Variants in SLC30A7 observed in about 807,000 individuals in gnomAD.
SLC30A7 encodes solute carrier family 30 member 7, also known as zinc transporter 7.
SLC30A7 carries 35 observed loss-of-function variants against 46.0 expected under a neutral mutation model. That is an observed-to-expected ratio of 0.76 (90% confidence interval 0.58 to 1.01). SLC30A7 has a LOEUF of 1.01. SLC30A7 is among the 50% of genes least tolerant of loss of function. The pLI is 0.00. For synonymous variants in SLC30A7, 147 were observed against 157.8 expected (o/e 0.93, Z 0.51); for missense variants, 464 against 451.1 (o/e 1.03, Z -0.26).
At chr1:100,965,509 A>G (rs1238084005) in intron 9 of SLC30A7, among the ~76,000 whole-genome samples, 1 of 152,046 alleles carries the variant, frequency 6.6e-6, no homozygotes, top group Non-Finnish European at 1.5e-5. Flanking sequence ...GTTACTGTAA[A>G]TTTCCCTGTG....
intron 8 of SLC30A7, among the ~76,000 whole-genome samples, chr1:100,933,197 A>C (rs931333575): frequency 1.3e-5 from 2 of 151,186 alleles, no homozygotes; most frequent in African/African-American, 4.9e-5. Flanking sequence ...GATGGTCTTG[A>C]TCTCCTGACC....
At chr1:100,987,725 C>A in the SLC30A7 span, among the ~76,000 whole-genome samples, 176 of 150,410 alleles carry the variant, frequency 1.2e-3, 1 homozygote, top group African/African-American at 4.1e-3. Flanking sequence ...TCTCTGGATA[C>A]CCTATAGCAT....
At chr1:100,915,245 CTTTCTTTCTTCCTTT>C (rs1652456273) in intron 6 of SLC30A7, among the ~76,000 whole-genome samples, 2 of 93,122 alleles carry the variant, frequency 2.1e-5, no homozygotes, top group African/African-American at 8.5e-5. Flanking sequence ...TTCTTTCTTT[CTTTCTTTCTTCCTTT>C]CTTTCTTTCT....
rs567235204 is a variant in SLC30A7 at position 100,949,430 on chromosome 1, T to C, written c.843-12398T>C. 4.5e-4 allele frequency among the ~76,000 whole-genome samples: 68 copies of C among 152,312 alleles called. No homozygotes were observed. The South Asian group carries it at 4.8e-3, about 11-fold the overall frequency. ...CCTGTGTGAGGTGTCTGTCAGCCCC[T>C]ACTGGGAGGTGTCTCCCAGTTAGGC... On this transcript the variant is annotated intron_variant, in intron 8 of 10. Transcript: ENST00000357650.
At chr1:100,932,718 A>G (rs553372552) in intron 8 of SLC30A7, among the ~76,000 whole-genome samples, 5 of 152,298 alleles carry the variant, frequency 3.3e-5, no homozygotes, top group Admixed American at 2.0e-4. Context: ...AGTGGAATAC[A>G]AAGATCTCAC....
Position 100,896,543 on chromosome 1 carries a change from G to T in SLC30A7, c.81-27G>T, listed in dbSNP as rs1328349975. 1.7e-5 allele frequency: 27 copies of T among 1,602,404 alleles called. 1 individual carries two copies. The Admixed American group carries it at 4.5e-4, about 27-fold the overall frequency. ...TCCCGGCACCTCCTTAACTCTCCCG[G>T]CTCTTTTCCACGTGTATCATTCCCA... On this transcript the variant is annotated intron_variant, in intron 1 of 10. Coordinates refer to ENST00000357650, the MANE Select transcript of SLC30A7 (RefSeq NM_133496.5).
At chr1:100,927,848 G>A (rs150490911) in intron 8 of SLC30A7, among the ~76,000 whole-genome samples, 21 of 151,888 alleles carry the variant, frequency 1.4e-4, no homozygotes, top group African/African-American at 4.8e-4. Flanking sequence ...CCTAAGATAG[G>A]GTCAATCTAA....
At chr1:100,901,777 T>G (rs1441835718) in intron 2 of SLC30A7, among the ~76,000 whole-genome samples, 2 of 152,198 alleles carry the variant, frequency 1.3e-5, no homozygotes, top group East Asian at 3.8e-4. Flanking sequence ...TAGAAGGTAG[T>G]CATTTAAAAG....
At chr1:100,923,440 A>AT (rs1344749871) in intron 8 of SLC30A7, among the ~76,000 whole-genome samples, 1 of 152,064 alleles carries the variant, frequency 6.6e-6, no homozygotes, top group East Asian at 1.9e-4. Flanking sequence ...TTATTTTTTA[A>AT]TTTTTTCAAA....
At chr1:100,916,256 G>A (rs747265157) in intron 6 of SLC30A7, among the ~76,000 whole-genome samples, 12 of 151,708 alleles carry the variant, frequency 7.9e-5, no homozygotes, top group Middle Eastern at 3.4e-3. Context: ...GTGCGATATC[G>A]GCTCACTGCA....
At chr1:100,956,094 T>C (rs753609057) in intron 8 of SLC30A7, among the ~76,000 whole-genome samples, 1 of 152,044 alleles carries the variant, frequency 6.6e-6, no homozygotes, top group African/African-American at 2.4e-5. Flanking sequence ...TTGATCCTAA[T>C]GAAAAAAAGA....
Position 100,896,628 on chromosome 1 carries a change from T to A in SLC30A7, c.139T>A (p.Ser47Thr). Reference sequence around the variant, plus strand: ...GTTTTTCTTCCTGTGCCTGAACCTCTCTTTCGCTTTTGTGGAACTACTCTA... The same window carrying A: ...GTTTTTCTTCCTGTGCCTGAACCTCACTTTCGCTTTTGTGGAACTACTCTA... ...NLFFFLCLNL[S>T]FAFVELLYGI... The change falls in exon 2 of 11, where the codon TCT (serine) becomes ACT (threonine). Residue 47 changes from serine to threonine, a missense_variant. By Grantham distance (58) the Ser-to-Thr change is moderately conservative (BLOSUM62 1). Transcript: ENST00000357650. The A allele has an allele frequency of 1.9e-6, 3 of 1,614,146 alleles. No individual in the cohort carries two copies. The highest frequency in any genetic ancestry group is 2.5e-6 in the Non-Finnish European group (3 of 1,180,006).
At chr1:100,917,395 G>A (rs1652639257) in intron 6 of SLC30A7, among the ~76,000 whole-genome samples, 2 of 152,158 alleles carry the variant, frequency 1.3e-5, no homozygotes, top group African/African-American at 4.8e-5. Flanking sequence ...TTTTGGTGCT[G>A]TGGGCCATGA....
At chr1:100,942,803 A>G (rs901823556) in intron 8 of SLC30A7, among the ~76,000 whole-genome samples, 1 of 152,188 alleles carries the variant, frequency 6.6e-6, no homozygotes, top group Admixed American at 6.5e-5. Flanking sequence ...TTAACATTTC[A>G]TCTTAGACAT....
chr1:100,919,329 A>G (rs567261196), intron 7 of SLC30A7, among the ~76,000 whole-genome samples: 1 of 152,136 alleles, frequency 6.6e-6, no homozygotes, highest in African/African-American at 2.4e-5. Context: ...CCAGCTATCT[A>G]CTTGCCTTTA....
At chr1:100,927,796 TA>T (rs894273618) in intron 8 of SLC30A7, among the ~76,000 whole-genome samples, 8 of 151,742 alleles carry the variant, frequency 5.3e-5, no homozygotes, top group African/African-American at 1.9e-4. Context: ...ATGCATGCTT[TA>T]AAAAAAAGTG....
chr1:100,943,890 G>C (rs1446850506), intron 8 of SLC30A7, among the ~76,000 whole-genome samples: 3 of 152,042 alleles, frequency 2.0e-5, no homozygotes, highest in Non-Finnish European at 4.4e-5. Context: ...CTATATAAAA[G>C]CACTGCTACC....
intron 10 of SLC30A7, among the ~76,000 whole-genome samples, chr1:100,967,647 T>A (rs1655938308): frequency 6.6e-6 from 1 of 152,224 alleles, no homozygotes; most frequent in Non-Finnish European, 1.5e-5. Context: ...TTCACTTGAA[T>A]CTAACCATGA....
intron 8 of SLC30A7, among the ~76,000 whole-genome samples, chr1:100,943,267 T>C (rs1654456363): frequency 6.6e-6 from 1 of 152,176 alleles, no homozygotes; most frequent in African/African-American, 2.4e-5. Flanking sequence ...TTCGATTAAT[T>C]TACTAAAGCA....
Sources: allele counts gnomAD v4.1 joint callset (sites outside exome capture counted in the v4.1 genomes callset), GRCh38; gene constraint gnomAD v4.1.1; transcripts MANE v1.5; gene names NCBI Gene and HGNC (gene_info 2026-07-23, HGNC 2026-07-21).